The following ANKS1B variants were observed in gnomAD, a reference collection of about 807,000 sequenced individuals.
ANKS1B encodes the protein ankyrin repeat and sterile alpha motif domain-containing protein 1B.
ANKS1B carries 36 observed loss-of-function variants against 148.3 expected under a neutral mutation model. That is an observed-to-expected ratio of 0.24 (90% CI 0.19 to 0.32). ANKS1B has a LOEUF of 0.32. ANKS1B is among the 10% of genes least tolerant of loss of function. The probability of loss-of-function intolerance (pLI) is 1.00; values close to 1 mark genes in which losing one functional copy is unlikely to be tolerated. For missense variants in ANKS1B, 1,157 were observed against 1,542.6 expected (o/e 0.75, Z 4.19); for synonymous variants, 542 against 560.8 (o/e 0.97, Z 0.47).
intron 17 of ANKS1B, among the ~76,000 whole-genome samples, chr12:98,918,013 T>A (rs2099796691): frequency 6.6e-6 from 1 of 152,226 alleles, no homozygotes; most frequent in African/African-American, 2.4e-5. Flanking sequence ...GTAGAGAGGC[T>A]ATTTATGTTC....
intron 17 of ANKS1B, among the ~76,000 whole-genome samples, chr12:98,890,410 C>G (rs2099749864): frequency 6.6e-6 from 1 of 151,584 alleles, no homozygotes; most frequent in African/African-American, 2.4e-5. Flanking sequence ...ACAGTTAAGA[C>G]AGAAAAAAAT....
At chr12:98,965,494 G>A (rs1314597174) in intron 17 of ANKS1B, among the ~76,000 whole-genome samples, 1 of 152,138 alleles carries the variant, frequency 6.6e-6, no homozygotes, top group African/African-American at 2.4e-5. Context: ...TAGTTGAAAT[G>A]ACTCTGATTT....
At chr12:99,160,618 G>T (rs374469221) in intron 14 of ANKS1B, among the ~76,000 whole-genome samples, 3 of 151,872 alleles carry the variant, frequency 2.0e-5, no homozygotes, top group Non-Finnish European at 4.4e-5. Context: ...AAAGTGCTGG[G>T]ATTACAGGCA....
intron 9 of ANKS1B, among the ~76,000 whole-genome samples, chr12:99,541,852 TAA>T (rs142078756): frequency 1.4e-5 from 2 of 145,028 alleles, no homozygotes; most frequent in Non-Finnish European, 1.5e-5. Flanking sequence ...AGACTCCGTC[TAA>T]AAAAAAAAAA....
At chr12:99,627,704 T>C (rs759897757) in intron 9 of ANKS1B, among the ~76,000 whole-genome samples, 5 of 152,120 alleles carry the variant, frequency 3.3e-5, no homozygotes, top group Admixed American at 6.6e-5. Flanking sequence ...TAAACATTTG[T>C]CAGAAACAAA....
intron 12 of ANKS1B, among the ~76,000 whole-genome samples, chr12:99,252,825 G>A (rs1009059718): frequency 2.0e-5 from 3 of 152,204 alleles, no homozygotes; most frequent in Non-Finnish European, 4.4e-5. Context: ...ATGCATACTT[G>A]TAGTAGGCTA....
intron 17 of ANKS1B, among the ~76,000 whole-genome samples, chr12:98,964,592 G>A (rs889826041): frequency 4.6e-5 from 7 of 152,138 alleles, no homozygotes; most frequent in African/African-American, 1.4e-4. Flanking sequence ...AGAAAATATG[G>A]TACATATATG....
At position 98,744,006 on chromosome 12, in the gene ANKS1B, T is replaced by C. The variant is rs962918564; in HGVS notation, c.*1733A>G. The C allele has an allele frequency of 8.1e-6, 8 of 982,240 alleles. No individual in the cohort carries two copies. The African/African-American group carries it at 1.4e-4, about 17-fold the overall frequency. 60.8% of individuals were successfully genotyped at this position (982,240 alleles called of 1,614,324 possible). ...CAACTTCTGTTTTATTTTTGTGTGC[T>C]TTTTTTATAGGATATAAATAATGAC... On this transcript the variant is annotated 3_prime_UTR_variant, in exon 27 of 27. Coordinates refer to ENST00000683438, the MANE Select transcript of ANKS1B (RefSeq NM_001352186.2).
At chr12:99,319,556 G>A (rs1246834876) in intron 12 of ANKS1B, among the ~76,000 whole-genome samples, 3 of 151,962 alleles carry the variant, frequency 2.0e-5, no homozygotes, top group African/African-American at 7.3e-5. Flanking sequence ...CCTTTATTTT[G>A]AGCCTATGTG....
intron 2 of ANKS1B, among the ~76,000 whole-genome samples, chr12:99,812,726 T>C (rs764567674): frequency 7.9e-5 from 12 of 151,640 alleles, no homozygotes; most frequent in Non-Finnish European, 1.5e-4. Flanking sequence ...AAGAGCTCTT[T>C]CCAGATAGCC....
intron 9 of ANKS1B, among the ~76,000 whole-genome samples, chr12:99,586,911 A>G (rs1597588660): frequency 6.6e-6 from 1 of 152,174 alleles, no homozygotes; most frequent in Non-Finnish European, 1.5e-5. Flanking sequence ...CCCATTGGGT[A>G]CCTTCCACAA....
intron 1 of ANKS1B, among the ~76,000 whole-genome samples, chr12:99,873,773 A>G (rs2091794150): frequency 1.3e-5 from 2 of 152,152 alleles, no homozygotes; most frequent in Non-Finnish European, 2.9e-5. Context: ...AAATCAGTAG[A>G]CTTTAAGTAA....
At chr12:99,399,576 A>T in intron 12 of ANKS1B, 55 bp downstream of exon 12, 8 of 1,576,016 alleles carry the variant, frequency 5.1e-6, no homozygotes, top group Non-Finnish European at 6.9e-6. Context: ...CCTCTAACTC[A>T]TAAATACTTC....
At chr12:99,097,498 T>G (rs2056587745) in intron 15 of ANKS1B, 1 of 152,172 alleles carries the variant, frequency 6.6e-6, no homozygotes, top group South Asian at 2.1e-4. Flanking sequence ...TCAATTTATG[T>G]GTACAAGGAG....
intron 9 of ANKS1B, among the ~76,000 whole-genome samples, chr12:99,637,530 A>C (rs1284428829): frequency 2.6e-5 from 4 of 152,064 alleles, no homozygotes; most frequent in Non-Finnish European, 5.9e-5. Flanking sequence ...AGGCAGACCC[A>C]CCCTTAATCT....
At chr12:99,652,204 G>A (rs978930338) in intron 9 of ANKS1B, among the ~76,000 whole-genome samples, 1 of 151,248 alleles carries the variant, frequency 6.6e-6, no homozygotes, top group Non-Finnish European at 1.5e-5. Flanking sequence ...TGGGTGCAGT[G>A]GCTCACGCCT....
intron 26 of ANKS1B, among the ~76,000 whole-genome samples, chr12:98,747,059 A>C (rs2097911094): frequency 6.6e-6 from 1 of 152,224 alleles, no homozygotes; most frequent in Non-Finnish European, 1.5e-5. Flanking sequence ...AAGCAGAAAG[A>C]GACAAATGGA....
intron 1 of ANKS1B, among the ~76,000 whole-genome samples, chr12:99,925,754 A>G (rs1251648035): frequency 6.6e-6 from 1 of 152,248 alleles, no homozygotes; most frequent in Non-Finnish European, 1.5e-5. Flanking sequence ...AATATAATAA[A>G]ACATAAAATA....
chr12:99,839,943 TTCATTCAC>T (rs1485198219), intron 1 of ANKS1B, among the ~76,000 whole-genome samples: 1 of 152,158 alleles, frequency 6.6e-6, no homozygotes, highest in Non-Finnish European at 1.5e-5. Flanking sequence ...GTTTTTCAAA[TTCATTCAC>T]TCATTCAAAA....
Sources: allele counts gnomAD v4.1 joint callset (sites outside exome capture counted in the v4.1 genomes callset), GRCh38; gene constraint gnomAD v4.1.1; transcripts MANE v1.5; gene names NCBI Gene and HGNC (gene_info 2026-07-23, HGNC 2026-07-21).